Variants in CPZ observed in about 807,000 individuals in gnomAD.
CPZ encodes the protein VEZT/CPZ fusion.
Under a neutral mutation model 61.8 loss-of-function variants are expected in CPZ, and 103 were observed. That is an observed-to-expected ratio of 1.67 (90% CI 1.42 to 1.96). The LOEUF (loss-of-function observed/expected upper bound fraction) is 1.96. Among genes scored for constraint, CPZ ranks in the 30% most tolerant of loss-of-function variants. The pLI is 0.00. For synonymous variants in CPZ, 551 were observed against 373.7 expected, an observed-to-expected ratio of 1.47 and a Z score of -5.47; for missense variants, 1,461 against 914.9, an observed-to-expected ratio of 1.60 and a Z score of -7.70.
intron 7 of CPZ, among the ~76,000 whole-genome samples, chr4:8,609,231 TTG>T (rs1491501460): frequency 3.4e-3 from 186 of 55,188 alleles, no homozygotes; most frequent in African/African-American, 4.5e-3. Context: ...TACTCACTCA[TTG>T]TCACTCATTC....
intron 7 of CPZ, 133 bp from the exon 8 acceptor site, chr4:8,611,894 C>T (rs1019439024): frequency 2.3e-6 from 3 of 1,279,150 alleles, no homozygotes; most frequent in Non-Finnish European, 3.3e-6. Flanking sequence ...CCCTCTCCTA[C>T]CTGCAGACAC....
At chr4:8,599,182 G>T (rs1714388491) in intron 1 of CPZ, among the ~76,000 whole-genome samples, 1 of 152,248 alleles carries the variant, frequency 6.6e-6, no homozygotes, top group Admixed American at 6.5e-5. Flanking sequence ...CCAGCCCCGG[G>T]CTTCGAGCCA....
intron 4 of CPZ, among the ~76,000 whole-genome samples, chr4:8,605,090 C>A (rs889121626): frequency 6.6e-6 from 1 of 152,234 alleles, no homozygotes; most frequent in Non-Finnish European, 1.5e-5. Context: ...GGGAGGTAAC[C>A]AGCGCAGAAA....
At chr4:8,596,200 T>C (rs573173144) in intron 1 of CPZ, among the ~76,000 whole-genome samples, 134 of 152,262 alleles carry the variant, frequency 8.8e-4, no homozygotes, top group African/African-American at 3.1e-3. Flanking sequence ...TACAGGTGTG[T>C]GCCACCATGC....
In CPZ at chr4:8,592,860, C is replaced by G; in HGVS notation, c.27C>G (p.Leu9=). 1 of 1,518,790 alleles carries G rather than the reference C, an allele frequency of 6.6e-7. No homozygotes were observed. Among genetic ancestry groups the G allele is most frequent in the East Asian group, 2.6e-5 (1 of 37,740 alleles). The allele number at this position is 1,518,790 out of a possible 1,614,324, so 94.1% of individuals were successfully genotyped here. MPPPLPLL[L]LTVLVVAAAR... ...TGCCGCCCCCGCTGCCGCTGCTGCTCCTTACAGTCCTGGTCGTCGCCGCTG... is the reference window on the plus strand; with the variant it reads ...TGCCGCCCCCGCTGCCGCTGCTGCTGCTTACAGTCCTGGTCGTCGCCGCTG... The change falls in exon 1 of 11, where the codon CTC becomes CTG. Residue 9 remains leucine (L), a synonymous_variant. Coordinates refer to ENST00000360986, the MANE Select transcript of CPZ (RefSeq NM_001014447.3).
At chr4:8,611,345 A>C in intron 7 of CPZ, 1 of 443,616 alleles carries the variant, frequency 2.3e-6, no homozygotes, top group South Asian at 1.6e-5. Flanking sequence ...GGATGGGCAC[A>C]ATGCGGGGAA....
chr4:8,609,119 C>G (rs934353532), intron 7 of CPZ, among the ~76,000 whole-genome samples: 2 of 13,614 alleles, frequency 1.5e-4, no homozygotes, highest in Non-Finnish European at 3.0e-4. Flanking sequence ...TCCTCACTCC[C>G]TCACTCATTC....
intron 1 of CPZ, among the ~76,000 whole-genome samples, chr4:8,596,316 C>T (rs1714175375): frequency 6.6e-6 from 1 of 152,244 alleles, no homozygotes; most frequent in South Asian, 2.1e-4. Flanking sequence ...TCCCAAAGTG[C>T]TGGGATTACA....
intron 9 of CPZ, 39 bp from the exon 10 acceptor site, chr4:8,618,390 G>A: frequency 6.3e-7 from 1 of 1,594,596 alleles, no homozygotes. Flanking sequence ...CAGCAGGAGA[G>A]CTCACGCCAT....
At chr4:8,597,390 C>CATAAAG (rs1320162449) in intron 1 of CPZ, 1 of 152,178 alleles carries the variant, frequency 6.6e-6, no homozygotes, top group African/African-American at 2.4e-5. Flanking sequence ...AAAGTTCAAG[C>CATAAAG]TGTCATGCCT....
In CPZ at chr4:8,612,032, C is replaced by T; in HGVS notation, c.1233C>T (p.Phe411=). The change falls in exon 8 of 11, where the codon TTC becomes TTT. Residue 411 remains phenylalanine, a synonymous_variant. Transcript: ENST00000360986. ...MFSPTPDEKM[F]KLLSRAYADV... ...GAGCCAGGTTTCTTTTCCAGATGTT[C>T]AAGCTGCTGTCCAGAGCCTACGCTG... is the stretch of plus-strand genomic sequence containing the variant. 1.2e-6 allele frequency: 2 copies of T among 1,613,978 alleles called. No individual in the cohort carries two copies. Among genetic ancestry groups the T allele is most frequent in the Non-Finnish European group, 1.7e-6 (2 of 1,180,016 alleles).
intron 1 of CPZ, 51 bp downstream of exon 1, chr4:8,592,972 G>T (rs774479528): frequency 9.1e-5 from 127 of 1,392,430 alleles, no homozygotes; most frequent in Admixed American, 2.2e-5. Context: ...GCAACCTCTG[G>T]GGAGTGTGAT....
At chr4:8,618,278 ATGGCAGAGCGAGGGC>A (rs990093188) in intron 9 of CPZ, 136 bp from the exon 10 acceptor site, 21 of 653,844 alleles carry the variant, frequency 3.2e-5, no homozygotes, top group African/African-American at 2.2e-4. Flanking sequence ...CTCGTTAAAG[ATGGCAGAGCGAGGGC>A]TGGCAGAGTG....
At chr4:8,618,602 T>G (rs1417140750) in intron 10 of CPZ, 74 bp downstream of exon 10, 2 of 1,381,732 alleles carry the variant, frequency 1.4e-6, no homozygotes, top group Non-Finnish European at 2.0e-6. Context: ...GCCGGCACCC[T>G]CAGGCACTCA....
Position 8,619,235 on chromosome 4 carries a change from AATCATTT to A in CPZ, c.1604-26_1604-20del. ...TGGCTGGGTCTGCAGTCCTCGTGAG[AATCATTT>A]TTAATCTATTTGTCCACAGCCCCAG... On this transcript the variant is annotated intron_variant, in intron 10 of 10. Coordinates refer to ENST00000360986, the MANE Select transcript of CPZ (RefSeq NM_001014447.3). 6.4e-7 allele frequency: 1 copy of A among 1,572,814 alleles called. No homozygotes were observed. Among genetic ancestry groups the A allele is most frequent in the Non-Finnish European group, 8.6e-7 (1 of 1,159,114 alleles).
At chr4:8,610,669 A>T (rs1427116958) in intron 7 of CPZ, among the ~76,000 whole-genome samples, 1 of 152,212 alleles carries the variant, frequency 6.6e-6, no homozygotes, top group Non-Finnish European at 1.5e-5. Flanking sequence ...TTGATGGGAA[A>T]GTCCGCTGAG....
Position 8,604,097 on chromosome 4 carries a change from C to T in CPZ, c.618C>T (p.His206=), listed in dbSNP as rs112582888. The T allele has an allele frequency of 3.7e-5, 59 of 1,607,802 alleles. No individual in the cohort carries two copies. The African/African-American group carries it at 4.8e-4, about 13-fold the overall frequency. The change falls in exon 4 of 11, where the codon CAC becomes CAT. Residue 206 remains histidine, a synonymous_variant. Coordinates refer to ENST00000360986, the MANE Select transcript of CPZ (RefSeq NM_001014447.3). The part of the protein sequence containing the change: ...VLRRTASRCA[H]VARTYSIGRS... ...GGCGGACGGCCTCCCGCTGCGCCCA[C>T]GTGGCCAGGACCTACAGCATCGGGC...
chr4:8,614,598 T>TTTGCC, intron 9 of CPZ, 100 bp downstream of exon 9: 1 of 1,240,868 alleles, frequency 8.1e-7, no homozygotes, highest in Non-Finnish European at 1.1e-6. Flanking sequence ...CACTGCCCCA[T>TTTGCC]ACACACATGC....
At chr4:8,593,621 C>G (rs907641927) in intron 1 of CPZ, among the ~76,000 whole-genome samples, 1 of 152,206 alleles carries the variant, frequency 6.6e-6, no homozygotes, top group South Asian at 2.1e-4. Context: ...TCAGGACTCT[C>G]ATCAGAAGCA....
Sources: gnomAD v4.1 joint callset for allele counts (sites outside exome capture counted in the v4.1 genomes callset) on GRCh38, gnomAD v4.1.1 for gene constraint, MANE v1.5 for transcripts, NCBI Gene and HGNC (gene_info 2026-07-23, HGNC 2026-07-21) for gene names.